Variants in GSE1 observed in about 807,000 individuals in gnomAD.
The protein encoded by GSE1 is Gse1 coiled-coil protein.
GSE1 carries 32 observed loss-of-function variants against 112.6 expected under a neutral mutation model. The observed-to-expected ratio is 0.28, with a 90% CI of 0.21 to 0.38. The LOEUF (loss-of-function observed/expected upper bound fraction) is 0.38. Ranked by LOEUF, GSE1 falls within the 10% of genes least tolerant of loss-of-function variation. GSE1 has a pLI of 1.00. For synonymous variants in GSE1, 1,115 were observed against 735.6 expected (o/e 1.52, Z -8.35); for missense variants, 2,348 against 1,699.2 (o/e 1.38, Z -6.71).
intron 2 of GSE1, among the ~76,000 whole-genome samples, chr16:85,528,378 C>T (rs1427548070): frequency 6.6e-6 from 1 of 152,122 alleles, no homozygotes; most frequent in Non-Finnish European, 1.5e-5. Context: ...CTGGTACAAC[C>T]CTAGCTCACT....
intron 1 of GSE1, among the ~76,000 whole-genome samples, chr16:85,250,727 G>C (rs1906377337): frequency 1.3e-5 from 2 of 152,090 alleles, no homozygotes; most frequent in African/African-American, 4.8e-5. Flanking sequence ...TAGTGGTTTT[G>C]AGGATATTCA....
chr16:85,469,717 G>T (rs544448463), intron 2 of GSE1, among the ~76,000 whole-genome samples: 1 of 152,176 alleles, frequency 6.6e-6, no homozygotes, highest in South Asian at 2.1e-4. Context: ...TCCCTCTCTT[G>T]TCCCCAGTTC....
chr16:85,571,593 TGA>T (rs2045983075), intron 1 of GSE1, among the ~76,000 whole-genome samples: 1 of 152,290 alleles, frequency 6.6e-6, no homozygotes, highest in Middle Eastern at 3.4e-3. Flanking sequence ...GGGAGGCTCT[TGA>T]GAGCCTAGTG....
At position 85,331,365 on chromosome 16, in the gene GSE1, G is replaced by GTGTGTGTGTA. The variant is rs1555563679; in HGVS notation, c.2284-26097_2284-26096insGTGTGTGTAT. Reference sequence around the variant, plus strand: ...TGTGTGTGTGTGTGTGTGTGTGTGTGTATATATGTATATATATGTATATAT... The same window carrying GTGTGTGTGTA: ...TGTGTGTGTGTGTGTGTGTGTGTGTGTGTGTGTGTATATATATGTATATATATGTATATAT... On this transcript the variant is annotated intron_variant, in intron 1 of 2. Transcript: ENST00000637419. Among the ~76,000 whole-genome samples, 5 of 101,144 alleles carry GTGTGTGTGTA rather than the reference G, an allele frequency of 4.9e-5. No homozygotes were observed. The East Asian group carries it at 1.1e-3, about 22-fold the overall frequency. The allele number at this position is 101,144 out of a possible 152,430, so 66.4% of individuals were successfully genotyped here.
At chr16:85,221,287 G>T in intron 1 of GSE1, among the ~76,000 whole-genome samples, 1 of 151,444 alleles carries the variant, frequency 6.6e-6, no homozygotes. Flanking sequence ...GCAGGCTACT[G>T]GCCTGGTTCA....
intron 1 of GSE1, among the ~76,000 whole-genome samples, chr16:85,559,388 C>T (rs934239431): frequency 6.6e-6 from 1 of 152,232 alleles, no homozygotes; most frequent in African/African-American, 2.4e-5. Context: ...GGTGCAGCAG[C>T]CAGCATGGCT....
intron 13 of GSE1, among the ~76,000 whole-genome samples, chr16:85,667,496 C>T (rs1159739253): frequency 1.3e-5 from 2 of 152,210 alleles, no homozygotes; most frequent in African/African-American, 2.4e-5. Context: ...GCCTAGGGAT[C>T]AAAACAGCCA....
chr16:85,653,604 C>A (rs895779374), intron 3 of GSE1, among the ~76,000 whole-genome samples: 3 of 151,942 alleles, frequency 2.0e-5, no homozygotes, highest in Non-Finnish European at 4.4e-5. Flanking sequence ...CGAGCTGTTG[C>A]CTTCCCTGCC....
At chr16:85,607,211 C>T (rs1421468417), upstream of GSE1, among the ~76,000 whole-genome samples, 1 of 152,142 alleles carries the variant, frequency 6.6e-6, no homozygotes, top group African/African-American at 2.4e-5. Flanking sequence ...GTGGGTGCCT[C>T]TCCAGAGGTG....
At chr16:85,483,508 C>T (rs1273518648) in intron 2 of GSE1, among the ~76,000 whole-genome samples, 1 of 152,266 alleles carries the variant, frequency 6.6e-6, no homozygotes, top group Non-Finnish European at 1.5e-5. Context: ...CAGCACACAG[C>T]AAGTGCTCCA....
At chr16:85,567,174 G>C (rs945105656) in intron 1 of GSE1, among the ~76,000 whole-genome samples, 1 of 152,008 alleles carries the variant, frequency 6.6e-6, no homozygotes, top group Non-Finnish European at 1.5e-5. Flanking sequence ...CTGTCGGTGG[G>C]CAGGTCAGAC....
chr16:85,635,080 CT>C (rs1307665741), intron 2 of GSE1, among the ~76,000 whole-genome samples: 2 of 152,206 alleles, frequency 1.3e-5, no homozygotes, highest in Non-Finnish European at 2.9e-5. Context: ...CCATGTCCGT[CT>C]TTACATTACC....
intron 1 of GSE1, among the ~76,000 whole-genome samples, chr16:85,193,179 G>A (rs1307846308): frequency 6.6e-6 from 1 of 152,090 alleles, no homozygotes; most frequent in Non-Finnish European, 1.5e-5. Context: ...GTTGAACACC[G>A]AGTCCACATT....
In GSE1 at chr16:85,586,639, G is replaced by A. The variant is rs565468368; in HGVS notation, c.37+30276G>A. Among the ~76,000 whole-genome samples, 149 of 152,218 alleles carry A rather than the reference G, an allele frequency of 9.8e-4. 2 individuals carry two copies. Among genetic ancestry groups the A allele is most frequent in the African/African-American group, 3.5e-3 (147 of 41,542 alleles). On this transcript the variant is annotated intron_variant, in intron 1 of 2. Coordinates refer to the GSE1 transcript ENST00000635906. ...GCTCACGGGCCCGACGCCGGCCCCC[G>A]CGCCCCCCCGACTGCCGTGCTCCAT...
intron 1 of GSE1, chr16:85,582,292 A>T (rs1197659213): frequency 6.6e-6 from 1 of 152,254 alleles, no homozygotes; most frequent in African/African-American, 2.4e-5. Flanking sequence ...GCGTGCCAGT[A>T]TTCAGTGTGA....
chr16:85,674,035 T>A lies in GSE1; in HGVS notation c.*1496T>A, dbSNP rs567711042. The A allele has an allele frequency of 6.6e-6, 1 of 152,326 alleles. No homozygotes were observed. The highest frequency in any genetic ancestry group is 6.5e-5 in the Admixed American group (1 of 15,304). The allele number at this position is 152,326 out of a possible 1,614,324, so 9.4% of individuals were successfully genotyped here. A position where few individuals can be genotyped will look rare whatever the true frequency, so the allele number is the denominator to read the frequency against. The stretch of plus-strand genomic sequence containing the variant: ...AGCAACGGGCGAGTCTTCCTCCTTG[T>A]CCTAGTTACTGCCTATGGAGGCAGT... On this transcript the variant is annotated 3_prime_UTR_variant, in exon 16 of 16. Transcript: ENST00000253458.
At chr16:85,573,558 G>C (rs2046098483) in intron 1 of GSE1, among the ~76,000 whole-genome samples, 1 of 152,196 alleles carries the variant, frequency 6.6e-6, no homozygotes, top group Non-Finnish European at 1.5e-5. Flanking sequence ...CTGAGCCTCA[G>C]TTTTCCCAGC....
chr16:85,324,005 G>A (rs549188406), intron 1 of GSE1, among the ~76,000 whole-genome samples: 1 of 152,322 alleles, frequency 6.6e-6, no homozygotes, highest in East Asian at 1.9e-4. Flanking sequence ...GCTTAACCAA[G>A]GTCTCGCTGC....
intron 1 of GSE1, among the ~76,000 whole-genome samples, chr16:85,257,255 C>A (rs10468355): frequency 2.0e-5 from 3 of 152,170 alleles, no homozygotes; most frequent in African/African-American, 7.2e-5. Flanking sequence ...ATTACAGGAG[C>A]CCTGCCACCA....
Sources: gnomAD v4.1 joint callset for allele counts (sites outside exome capture counted in the v4.1 genomes callset) on GRCh38, gnomAD v4.1.1 for gene constraint, MANE v1.5 for transcripts, NCBI Gene and HGNC (gene_info 2026-07-23, HGNC 2026-07-21) for gene names.